Variants in DLG2 observed in about 807,000 individuals in gnomAD.
The protein encoded by DLG2 is disks large homolog 2.
In DLG2, 45 loss-of-function variants were observed where a neutral mutation model predicts 132.5. The observed-to-expected ratio is 0.34, with a 90% CI of 0.27 to 0.44. The LOEUF (loss-of-function observed/expected upper bound fraction) is 0.44, where lower values mean the gene tolerates loss of function less well. DLG2 is among the 20% of genes least tolerant of loss of function. The pLI is 1.00. For missense variants in DLG2, 1,045 were observed against 1,196.9 expected, an observed-to-expected ratio of 0.87 and a Z score of 1.87; for synonymous variants, 424 against 419.6, an observed-to-expected ratio of 1.01 and a Z score of -0.13.
intron 3 of DLG2, among the ~76,000 whole-genome samples, chr11:85,295,496 C>T (rs1444075412): frequency 6.6e-6 from 1 of 152,006 alleles, no homozygotes; most frequent in Non-Finnish European, 1.5e-5. Flanking sequence ...TAGGTTACAC[C>T]CATGTTAGAG....
At position 85,158,948 on chromosome 11, in the gene DLG2, G is replaced by A. The variant is rs1321267856; in HGVS notation, c.187-4297C>T. Among the ~76,000 whole-genome samples the A allele has an allele frequency of 2.0e-5, 3 of 152,290 alleles. No individual in the cohort carries two copies. In the East Asian group the frequency reaches 5.8e-4, roughly 29 times the overall value. ...GGCCCCTCAATCAATTTCCACACTT[G>A]AGTCAGTTTACAGACCCAGAACCCC... On this transcript the variant is annotated intron_variant, in intron 4 of 27. Transcript: ENST00000376104.
intron 6 of DLG2, among the ~76,000 whole-genome samples, chr11:84,923,755 A>G (rs1055278856): frequency 4.6e-5 from 7 of 152,282 alleles, no homozygotes; most frequent in South Asian, 4.2e-4. Context: ...TCATTGTCAT[A>G]TAAAGTCCCC....
intron 5 of DLG2, among the ~76,000 whole-genome samples, chr11:85,126,554 A>T (rs1348661768): frequency 2.0e-5 from 3 of 151,840 alleles, no homozygotes; most frequent in African/African-American, 7.3e-5. Context: ...GTTATGTTAA[A>T]TTTTCCCTAC....
intron 11 of DLG2, among the ~76,000 whole-genome samples, chr11:84,015,216 ATAAT>A (rs1229195598): frequency 6.6e-6 from 1 of 152,180 alleles, no homozygotes; most frequent in Non-Finnish European, 1.5e-5. Flanking sequence ...CATTCACATC[ATAAT>A]TATTAGTTGA....
intron 17 of DLG2, among the ~76,000 whole-genome samples, chr11:83,799,093 A>G (rs2043626926): frequency 6.6e-6 from 1 of 152,230 alleles, no homozygotes; most frequent in Non-Finnish European, 1.5e-5. Flanking sequence ...TGATACATAA[A>G]CTAACAAATA....
At chr11:85,510,219 A>G (rs1157585542) in intron 3 of DLG2, among the ~76,000 whole-genome samples, 1 of 152,046 alleles carries the variant, frequency 6.6e-6, no homozygotes, top group Non-Finnish European at 1.5e-5. Flanking sequence ...AAAGAATCAT[A>G]CAATATGAGA....
At chr11:85,619,989 C>T (rs1412684125) in intron 2 of DLG2, among the ~76,000 whole-genome samples, 2 of 152,192 alleles carry the variant, frequency 1.3e-5, no homozygotes, top group African/African-American at 2.4e-5. Flanking sequence ...TTGCACTTTG[C>T]TTTACTGCAC....
chr11:84,599,171 G>A (rs777555121), intron 6 of DLG2, among the ~76,000 whole-genome samples: 8 of 152,100 alleles, frequency 5.3e-5, no homozygotes, highest in Non-Finnish European at 1.0e-4. Context: ...TTCGAGCCCG[G>A]GAGGCAGAGG....
At chr11:83,507,889 C>T (rs1276407243) in intron 21 of DLG2, among the ~76,000 whole-genome samples, 2 of 149,540 alleles carry the variant, frequency 1.3e-5, no homozygotes, top group Admixed American at 6.7e-5. Context: ...ACAGCCAATC[C>T]GAGTCTCAAA....
intron 18 of DLG2, among the ~76,000 whole-genome samples, chr11:83,655,421 T>G (rs532380097): frequency 9.9e-5 from 15 of 152,174 alleles, no homozygotes; most frequent in Non-Finnish European, 1.8e-4. Flanking sequence ...ACTCAGCCTT[T>G]TCTGTTTAGA....
rs5793132 is a variant in DLG2 at position 84,703,857 on chromosome 11, GATATATATATATATATAT to G, written c.358-169144_358-169127del. 1.2e-4 allele frequency among the ~76,000 whole-genome samples: 12 copies of G among 102,714 alleles called. 1 individual carries two copies. The highest frequency in any genetic ancestry group is 4.5e-4 in the African/African-American group (11 of 24,276). The allele number at this position is 102,714 out of a possible 152,430, so 67.4% of individuals were successfully genotyped here. A position where few individuals can be genotyped will look rare whatever the true frequency, so the allele number is the denominator to read the frequency against. On this transcript the variant is annotated intron_variant, in intron 6 of 27. Transcript: ENST00000376104. ...AATAATGCTAAAACTATGTAGTGAA[GATATATATATATATATAT>G]ATATATATACACGTGTGTGTGTGTG...
intron 11 of DLG2, among the ~76,000 whole-genome samples, chr11:84,000,332 G>A (rs913361332): frequency 1.3e-5 from 2 of 151,950 alleles, no homozygotes; most frequent in Non-Finnish European, 2.9e-5. Context: ...AAAGAAAAAA[G>A]AAGAAAAGAG....
intron 6 of DLG2, among the ~76,000 whole-genome samples, chr11:84,871,413 C>T (rs1276924178): frequency 6.6e-6 from 1 of 152,166 alleles, no homozygotes; most frequent in African/African-American, 2.4e-5. Context: ...ACAACCTTCA[C>T]AACCTATTAC....
intron 8 of DLG2, among the ~76,000 whole-genome samples, chr11:84,237,372 G>A (rs573182809): frequency 3.9e-5 from 6 of 152,152 alleles, no homozygotes; most frequent in Non-Finnish European, 7.3e-5. Context: ...TCTTTAAAGA[G>A]ATACTGATTA....
chr11:85,462,408 C>T (rs2092645012), intron 3 of DLG2, among the ~76,000 whole-genome samples: 2 of 152,144 alleles, frequency 1.3e-5, no homozygotes, highest in South Asian at 4.1e-4. Flanking sequence ...ACCCATATGT[C>T]CGACAATGAT....
intron 7 of DLG2, among the ~76,000 whole-genome samples, chr11:84,260,661 G>A (rs892824664): frequency 6.6e-6 from 1 of 152,186 alleles, no homozygotes; most frequent in African/African-American, 2.4e-5. Context: ...CAGAACCCCA[G>A]AAGGATTGAC....
Position 83,968,822 on chromosome 11 carries a change from C to T in DLG2, c.1057-3354G>A, listed in dbSNP as rs75028566. 7.2e-3 allele frequency among the ~76,000 whole-genome samples: 1,089 copies of T among 152,204 alleles called. 12 individuals are homozygous for T. The highest frequency in any genetic ancestry group is 0.025 in the African/African-American group (1,037 of 41,512). Reference sequence around the variant, plus strand: ...CTACTTCTTCCAGATAGACAAGGTCCTTGCTTTCATGAAACCCACATTAAT... The same window carrying T: ...CTACTTCTTCCAGATAGACAAGGTCTTTGCTTTCATGAAACCCACATTAAT... On this transcript the variant is annotated intron_variant, in intron 12 of 27. Coordinates refer to ENST00000376104, the MANE Select transcript of DLG2 (RefSeq NM_001142699.3).
At chr11:84,937,630 C>G (rs1482611493) in intron 6 of DLG2, among the ~76,000 whole-genome samples, 1 of 151,912 alleles carries the variant, frequency 6.6e-6, no homozygotes, top group Non-Finnish European at 1.5e-5. Context: ...GCATTTCTTA[C>G]CAAGGGACAC....
At chr11:84,636,836 C>G (rs1334642897) in intron 6 of DLG2, among the ~76,000 whole-genome samples, 5 of 151,086 alleles carry the variant, frequency 3.3e-5, no homozygotes. Flanking sequence ...GACTGGAGTG[C>G]AGTGGCACGA....
Sources: allele counts gnomAD v4.1 joint callset (sites outside exome capture counted in the v4.1 genomes callset), GRCh38; gene constraint gnomAD v4.1.1; transcripts MANE v1.5; gene names NCBI Gene and HGNC (gene_info 2026-07-23, HGNC 2026-07-21).